Variants in AGPAT4 observed in about 807,000 individuals in gnomAD.
AGPAT4 encodes the protein 1-acyl-sn-glycerol-3-phosphate acyltransferase delta.
AGPAT4 carries 15 observed loss-of-function variants against 48.0 expected under a neutral mutation model. The ratio of observed to expected loss-of-function variants is 0.31; its 90% CI spans 0.21 to 0.48. AGPAT4 has a LOEUF of 0.48. Ranked by LOEUF, AGPAT4 falls within the 20% of genes least tolerant of loss-of-function variation. The probability of loss-of-function intolerance (pLI) is 0.99; values close to 1 mark genes in which losing one functional copy is unlikely to be tolerated. For missense variants in AGPAT4, 314 were observed against 482.5 expected (o/e 0.65, Z 3.27); for synonymous variants, 178 against 198.7 (o/e 0.90, Z 0.88).
chr6:161,186,691 G>T (rs981583634), intron 2 of AGPAT4, among the ~76,000 whole-genome samples: 1 of 152,040 alleles, frequency 6.6e-6, no homozygotes, highest in African/African-American at 2.4e-5. Flanking sequence ...TCCCCAGCAA[G>T]CCCCAACTCC....
rs768456360 is a variant in AGPAT4, at chr6:161,139,603, C to T, written c.861G>A (p.Glu287=). Reference sequence around the variant, plus strand: ...CTGGGAAGGTGCCCGTCCTGTAGTACTCCTCCTGAAAGGCATCCTGGGGGA... The same window carrying T: ...CTGGGAAGGTGCCCGTCCTGTAGTATTCCTCCTGAAAGGCATCCTGGGGGA... ...LYQEKDAFQE[E]YYRTGTFPET... is the part of the protein sequence containing the mutation. The change falls in exon 8 of 9, where the codon GAG becomes GAA. Residue 287 remains glutamate, a synonymous_variant. Coordinates refer to ENST00000320285, the MANE Select transcript of AGPAT4 (RefSeq NM_020133.3). This position sits in a 1 kb window ranked among gnomAD's most constrained non-coding sequence, Gnocchi z 9.1. 1.2e-6 allele frequency: 2 copies of T among 1,606,600 alleles called. No homozygotes were observed. Among genetic ancestry groups the T allele is most frequent in the Admixed American group, 3.3e-5 (2 of 59,724 alleles).
chr6:161,255,395 C>T lies in AGPAT4; in HGVS notation c.-90+18543G>A, dbSNP rs186098558. ...AATCTACTCAGGAGAAATGAAAACA[C>T]ACATCCACACAAAATCTTGTACACC... On this transcript the variant is annotated intron_variant, in intron 1 of 8. Transcript: ENST00000320285. This position sits in a 1 kb window ranked among gnomAD's most constrained non-coding sequence, Gnocchi z 4.7. Among the ~76,000 whole-genome samples the T allele has an allele frequency of 1.2e-4, 18 of 152,314 alleles. No individual in the cohort carries two copies. Among genetic ancestry groups the T allele is most frequent in the African/African-American group, 3.6e-4 (15 of 41,562 alleles).
At position 161,166,368 on chromosome 6, in the gene AGPAT4, G is replaced by A. The variant is rs1288065847; in HGVS notation, c.228C>T (p.Phe76=). Residue 76 remains phenylalanine (F), a synonymous_variant, in exon 3 of 9, where the codon TTC becomes TTT. Transcript: ENST00000320285. This position sits in a 1 kb window ranked among gnomAD's most constrained non-coding sequence, Gnocchi z 6.7. The part of the protein sequence containing the change: ...EWWSGTECTI[F]TDPRAYLKYG... Reference sequence around the variant, plus strand: ...ACTTGAGGTAGGCGCGCGGGTCCGTGAAGATGGTGCATTCCGTGCCCGACC... The same window carrying A: ...ACTTGAGGTAGGCGCGCGGGTCCGTAAAGATGGTGCATTCCGTGCCCGACC... 16 of 1,613,852 alleles carry A rather than the reference G, an allele frequency of 9.9e-6. No homozygotes were observed. Among genetic ancestry groups the A allele is most frequent in the Non-Finnish European group, 1.3e-5 (15 of 1,179,946 alleles).
rs1445424311 is a variant in AGPAT4, at chr6:161,166,484, C to T, written c.179-67G>A. 2 of 1,510,014 alleles carry T rather than the reference C, an allele frequency of 1.3e-6. No homozygotes were observed. The highest frequency in any genetic ancestry group is 1.3e-5 in the South Asian group (1 of 74,730). 93.5% of individuals were successfully genotyped at this position (1,510,014 alleles called of 1,614,324 possible). A position where few individuals can be genotyped will look rare whatever the true frequency, so the allele number is the denominator to read the frequency against. On this transcript the variant is annotated intron_variant, in intron 2 of 8. Transcript: ENST00000320285. The surrounding 1 kb of genome is among the most constrained non-coding windows in gnomAD (Gnocchi z 6.7). ...CTTGTCCTGGGAGCCCTGCTGAGAG[C>T]AGGGCTCTGCCCTCCCAGCTAGGGG...
In AGPAT4 at chr6:161,246,398, A is replaced by T. The variant is rs186669040; in HGVS notation, c.-89-14096T>A. On this transcript the variant is annotated intron_variant, in intron 1 of 8. Coordinates refer to ENST00000320285, the MANE Select transcript of AGPAT4 (RefSeq NM_020133.3). This position sits in a 1 kb window ranked among gnomAD's most constrained non-coding sequence, Gnocchi z 5.5. Reference sequence around the variant, plus strand: ...CTAACATTGCATTAGACTTCTGAGCATAGGCACAGGGGATTCTTTTTTTTT... The same window carrying T: ...CTAACATTGCATTAGACTTCTGAGCTTAGGCACAGGGGATTCTTTTTTTTT... 6.6e-6 allele frequency among the ~76,000 whole-genome samples: 1 copy of T among 151,536 alleles called. No individual in the cohort carries two copies. The highest frequency in any genetic ancestry group is 2.4e-5 in the African/African-American group (1 of 40,934).
chr6:161,183,715 AGGAGATGGGAGAAGAGG>A (rs1780675352), intron 2 of AGPAT4, among the ~76,000 whole-genome samples: 1 of 48,288 alleles, frequency 2.1e-5, no homozygotes, highest in Non-Finnish European at 3.8e-5. Flanking sequence ...AGGAGAGGAG[AGGAGATGGGAGAAGAGG>A]GGAGGGGAGG....
rs1316662952 is a variant in AGPAT4, at chr6:161,142,481, G to C, written c.844-2861C>G. Among the ~76,000 whole-genome samples, 2 of 152,146 alleles carry C rather than the reference G, an allele frequency of 1.3e-5. No individual in the cohort carries two copies. Among genetic ancestry groups the C allele is most frequent in the South Asian group, 2.1e-4 (1 of 4,828 alleles). On this transcript the variant is annotated intron_variant, in intron 7 of 8. Coordinates refer to ENST00000320285, the MANE Select transcript of AGPAT4 (RefSeq NM_020133.3). The surrounding 1 kb of genome is among the most constrained non-coding windows in gnomAD (Gnocchi z 6.4). Reference sequence around the variant, plus strand: ...AGAGTTGGTTTGTTTCCAGAAAGAAGCATCAACCTACAAGCCAAGAGGAGA... The same window carrying C: ...AGAGTTGGTTTGTTTCCAGAAAGAACCATCAACCTACAAGCCAAGAGGAGA...
chr6:161,250,111 TGTTTTCAC>T (rs770306145), intron 1 of AGPAT4, among the ~76,000 whole-genome samples: 12,345 of 152,226 alleles, frequency 0.081, 1,655 homozygotes, highest in African/African-American at 0.28. Flanking sequence ...AAACACCACG[TGTTTTCAC>T]TTACAAGTGG....
chr6:161,207,497 G>A (rs533007634), intron 2 of AGPAT4, among the ~76,000 whole-genome samples: 2 of 152,274 alleles, frequency 1.3e-5, no homozygotes, highest in South Asian at 2.1e-4. Context: ...GTAGTGCAAG[G>A]AATTTATGCT....
In AGPAT4 at chr6:161,217,280, T is replaced by A. The variant is rs1333850397; in HGVS notation, c.178+14756A>T. On this transcript the variant is annotated intron_variant, in intron 2 of 8. Coordinates refer to ENST00000320285, the MANE Select transcript of AGPAT4 (RefSeq NM_020133.3). The surrounding 1 kb of genome is among the most constrained non-coding windows in gnomAD (Gnocchi z 4.9). ...GCCTTGGGTCAGAACTGGGCTCCCA[T>A]CAATGCCTGGTACATGGTAACAGAA... Among the ~76,000 whole-genome samples, 1 of 152,168 alleles carries A rather than the reference T, an allele frequency of 6.6e-6. No homozygotes were observed. Among genetic ancestry groups the A allele is most frequent in the African/African-American group, 2.4e-5 (1 of 41,438 alleles).
intron 1 of AGPAT4, among the ~76,000 whole-genome samples, chr6:161,263,272 A>T (rs976822372): frequency 5.3e-5 from 8 of 152,322 alleles, no homozygotes; most frequent in African/African-American, 1.9e-4. Context: ...GGCTGGGCGC[A>T]GTAGTTCATG....
rs1013040019 is a variant in AGPAT4 at position 161,197,587 on chromosome 6, T to C, written c.179-31170A>G. Among the ~76,000 whole-genome samples, 1 of 152,188 alleles carries C rather than the reference T, an allele frequency of 6.6e-6. No individual in the cohort carries two copies. Among genetic ancestry groups the C allele is most frequent in the African/African-American group, 2.4e-5 (1 of 41,444 alleles). The stretch of plus-strand genomic sequence containing the variant: ...CGCATTACTCCTGGGGCTCATGTTT[T>C]CCTCTCCTGAACCACTCTGCCTCCT... On this transcript the variant is annotated intron_variant, in intron 2 of 8. Transcript: ENST00000320285. The surrounding 1 kb of genome is among the most constrained non-coding windows in gnomAD (Gnocchi z 5.7).
At chr6:161,228,244 G>A (rs1163018201) in intron 2 of AGPAT4, among the ~76,000 whole-genome samples, 2 of 152,216 alleles carry the variant, frequency 1.3e-5, no homozygotes, top group Admixed American at 1.3e-4. Flanking sequence ...GCTCGCCAAA[G>A]GTGACGCAGC....
rs778677851 is a variant in AGPAT4, at chr6:161,231,549, T to C, written c.178+487A>G. Among the ~76,000 whole-genome samples, 1 of 152,116 alleles carries C rather than the reference T, an allele frequency of 6.6e-6. No homozygotes were observed. The highest frequency in any genetic ancestry group is 1.5e-5 in the Non-Finnish European group (1 of 68,036). ...CTCAGTATTATTTGTTACAGCTTCATGTGAATCTATTATCTCAAAATAAAA... is the reference window on the plus strand; with the variant it reads ...CTCAGTATTATTTGTTACAGCTTCACGTGAATCTATTATCTCAAAATAAAA... On this transcript the variant is annotated intron_variant, in intron 2 of 8. Coordinates refer to ENST00000320285, the MANE Select transcript of AGPAT4 (RefSeq NM_020133.3). This position sits in a 1 kb window ranked among gnomAD's most constrained non-coding sequence, Gnocchi z 5.3.
chr6:161,151,039 G>A (rs1304744654), intron 5 of AGPAT4, among the ~76,000 whole-genome samples: 1 of 152,144 alleles, frequency 6.6e-6, no homozygotes, highest in East Asian at 1.9e-4. Context: ...TTGTCCAACT[G>A]TCTCATTTTC....
intron 3 of AGPAT4, chr6:161,160,610 TGCGGAGA>T (rs1779900003): frequency 4.9e-6 from 1 of 204,244 alleles, no homozygotes; most frequent in Non-Finnish European, 1.0e-5. Flanking sequence ...CATGCAGATG[TGCGGAGA>T]GGAGAAGAGG....
chr6:161,224,744 T>G (rs887646296), intron 2 of AGPAT4, among the ~76,000 whole-genome samples: 1 of 151,728 alleles, frequency 6.6e-6, no homozygotes, highest in Non-Finnish European at 1.5e-5. Flanking sequence ...CCAAACGCAA[T>G]GCCTGACACA....
chr6:161,208,479 A>AT lies in AGPAT4; in HGVS notation c.178+23556dup, dbSNP rs3842104. Among the ~76,000 whole-genome samples, 86,877 of 150,316 alleles carry AT rather than the reference A, an allele frequency of 0.58. 26,194 individuals are homozygous for AT. Among genetic ancestry groups the AT allele is most frequent in the African/African-American group, 0.77 (31,383 of 40,978 alleles). ...ACCCCCAACATCTGCAGGTTTAAGC[A>AT]TTTTTTTTTTCCATAATGTTCACAA... On this transcript the variant is annotated intron_variant, in intron 2 of 8. Coordinates refer to ENST00000320285, the MANE Select transcript of AGPAT4 (RefSeq NM_020133.3). This position sits in a 1 kb window ranked among gnomAD's most constrained non-coding sequence, Gnocchi z 4.6.
Position 161,136,576 on chromosome 6 carries a change from G to C in AGPAT4, c.1101C>G (p.Tyr367Ter). The change falls in exon 9 of 9, where the codon TAC becomes TAG. Residue 367 changes from tyrosine (Y) to a stop codon, truncating the protein, a stop_gained. Transcript: ENST00000320285. LOFTEE classifies it high-confidence loss of function. ...GVTEIDKGSAYGNSDSKQKLN... is the reference protein window; with the variant it reads ...GVTEIDKGSA ...GTTTCTGCTTGCTGTCAGAGTTGCCGTAGGCAGAGCCCTTGTCAATTTCCG... is the reference window on the plus strand; with the variant it reads ...GTTTCTGCTTGCTGTCAGAGTTGCCCTAGGCAGAGCCCTTGTCAATTTCCG... 1 of 1,614,172 alleles carries C rather than the reference G, an allele frequency of 6.2e-7. No individual in the cohort carries two copies. The highest frequency in any genetic ancestry group is 8.5e-7 in the Non-Finnish European group (1 of 1,180,038).
Sources: gnomAD v4.1 joint callset for allele counts (sites outside exome capture counted in the v4.1 genomes callset) on GRCh38, gnomAD v4.1.1 for gene constraint, Gnocchi (gnomAD v3.1) non-coding constraint, MANE v1.5 for transcripts, NCBI Gene and HGNC (gene_info 2026-07-23, HGNC 2026-07-21) for gene names.